The following DPY19L2 variants were observed in gnomAD, a reference collection of about 807,000 sequenced individuals.
DPY19L2 encodes probable C-mannosyltransferase DPY19L2.
In DPY19L2, 34 loss-of-function variants were observed where a neutral mutation model predicts 97.9. That is an observed-to-expected ratio of 0.35 (90% CI 0.26 to 0.46). DPY19L2 has a LOEUF of 0.46. DPY19L2 is among the 20% of genes least tolerant of loss of function. DPY19L2 has a pLI of 1.00. For missense variants in DPY19L2, 623 were observed against 911.4 expected (o/e 0.68, Z 4.07); for synonymous variants, 230 against 307.9 (o/e 0.75, Z 2.65).
intron 11 of DPY19L2, among the ~76,000 whole-genome samples, chr12:63,610,155 A>G (rs1348835699): frequency 6.6e-6 from 1 of 151,904 alleles, no homozygotes; most frequent in Non-Finnish European, 1.5e-5. Context: ...AAAAATATAC[A>G]TGTAATAGTT....
rs10878074 is a variant in DPY19L2, at chr12:63,668,272, G to A, written c.122C>T (p.Ala41Val). 0.24 allele frequency: 381,956 copies of A among 1,613,566 alleles called. 52,110 individuals are homozygous for A. The highest frequency in any genetic ancestry group is 0.58 in the East Asian group (26,166 of 44,762). The change falls in exon 1 of 22, where the codon GCC (alanine) becomes GTC (valine). Residue 41 changes from alanine to valine, a missense_variant. Physicochemically the swap from Ala to Val is moderately conservative, Grantham distance 64. This residue lies in a region of DPY19L2 where 144 missense variants were observed against 119.4 expected (regional missense o/e 1.21). Transcript: ENST00000324472. ...PEVEEEMEKS[A>V]LGGGKLPRGS... Reference sequence around the variant, plus strand: ...CCTTGGCAGTTTCCCGCCGCCTAGGGCCGACTTTTCCATCTCCTCCTCTAC... The same window carrying A: ...CCTTGGCAGTTTCCCGCCGCCTAGGACCGACTTTTCCATCTCCTCCTCTAC...
At chr12:63,586,390 G>A (rs1881803364) in intron 16 of DPY19L2, among the ~76,000 whole-genome samples, 1 of 152,162 alleles carries the variant, frequency 6.6e-6, no homozygotes, top group Admixed American at 6.5e-5. Flanking sequence ...TTTAATGTAA[G>A]TGTTTAGAGA....
chr12:63,585,527 G>A (rs1214944107), intron 16 of DPY19L2, among the ~76,000 whole-genome samples: 1 of 152,074 alleles, frequency 6.6e-6, no homozygotes, highest in Non-Finnish European at 1.5e-5. Flanking sequence ...CCTTCCCTGT[G>A]TATGCAGTTA....
At chr12:63,657,938 T>G (rs1304694329) in intron 4 of DPY19L2, among the ~76,000 whole-genome samples, 1 of 152,188 alleles carries the variant, frequency 6.6e-6, no homozygotes, top group East Asian at 1.9e-4. Flanking sequence ...TGCTCAGTTC[T>G]TTGTGCTTTC....
intron 19 of DPY19L2, among the ~76,000 whole-genome samples, chr12:63,571,563 A>G (rs1878846763): frequency 6.6e-6 from 1 of 152,180 alleles, no homozygotes; most frequent in Non-Finnish European, 1.5e-5. Flanking sequence ...ATTTTTTCCA[A>G]TGACTTTTGT....
At chr12:63,611,287 C>A (rs909043549) in intron 11 of DPY19L2, among the ~76,000 whole-genome samples, 1 of 151,850 alleles carries the variant, frequency 6.6e-6, no homozygotes, top group Non-Finnish European at 1.5e-5. Flanking sequence ...AAAAGATCAG[C>A]CTATGTTCAA....
At chr12:63,665,101 T>C (rs994922577) in intron 2 of DPY19L2, among the ~76,000 whole-genome samples, 24 of 152,358 alleles carry the variant, frequency 1.6e-4, no homozygotes, top group African/African-American at 5.5e-4. Context: ...TTTAACTCTG[T>C]ACACCCACTG....
At chr12:63,563,920 G>A (rs1877128019) in intron 21 of DPY19L2, among the ~76,000 whole-genome samples, 1 of 152,000 alleles carries the variant, frequency 6.6e-6, no homozygotes, top group Admixed American at 6.6e-5. Flanking sequence ...TAGATACAAG[G>A]TCATTCATAA....
Position 63,663,806 on chromosome 12 carries a change from G to A in DPY19L2, c.402C>T (p.Phe134=), listed in dbSNP as rs1164559849. The change falls in exon 3 of 22, where the codon TTC becomes TTT. Residue 134 remains phenylalanine (F), a synonymous_variant. Coordinates refer to ENST00000324472, the MANE Select transcript of DPY19L2 (RefSeq NM_173812.5). ...LVTLFENDRH[F]SHLSSLEREM... ...CCCGTTCCAAAGATGAGAGGTGAGA[G>A]AAATGACGATCATTTTCAAAAAGTG... The A allele has an allele frequency of 2.5e-6, 4 of 1,605,818 alleles. No homozygotes were observed. The South Asian group carries it at 4.5e-5, about 18-fold the overall frequency.
intron 12 of DPY19L2, 130 bp from the exon 13 acceptor site, chr12:63,600,516 G>C (rs575132691): frequency 1.6e-6 from 1 of 614,922 alleles, no homozygotes; most frequent in African/African-American, 1.9e-5. Context: ...TTTAAAAAAA[G>C]TTCCTTTAGA....
At position 63,665,819 on chromosome 12, in the gene DPY19L2, T is replaced by G; in HGVS notation, c.362+16A>C. ...TCAAATGTTTTTAAATATTTCAAACTGAAACTAAATCTTACCAATGTAAAA... is the reference window on the plus strand; with the variant it reads ...TCAAATGTTTTTAAATATTTCAAACGGAAACTAAATCTTACCAATGTAAAA... On this transcript the variant is annotated intron_variant, in intron 2 of 21. Coordinates refer to ENST00000324472, the MANE Select transcript of DPY19L2 (RefSeq NM_173812.5). The G allele has an allele frequency of 6.4e-7, 1 of 1,571,560 alleles. No homozygotes were observed. Among genetic ancestry groups the G allele is most frequent in the Non-Finnish European group, 8.7e-7 (1 of 1,154,846 alleles).
intron 16 of DPY19L2, among the ~76,000 whole-genome samples, chr12:63,587,860 C>T (rs954135366): frequency 1.3e-5 from 2 of 152,080 alleles, no homozygotes; most frequent in East Asian, 1.9e-4. Flanking sequence ...CATGAGCCAC[C>T]GAACCCGGCC....
chr12:63,572,531 G>C (rs1879063195), intron 19 of DPY19L2, among the ~76,000 whole-genome samples: 1 of 152,112 alleles, frequency 6.6e-6, no homozygotes, highest in African/African-American at 2.4e-5. Flanking sequence ...CACCAGCCTG[G>C]TTTGCTTTGC....
rs143620100 is a variant in DPY19L2, at chr12:63,640,700, T to C, written c.803+3703A>G. Among the ~76,000 whole-genome samples, 84 of 152,292 alleles carry C rather than the reference T, an allele frequency of 5.5e-4. No individual in the cohort carries two copies. In the East Asian group the frequency reaches 0.015, roughly 27 times the overall value. ...TTCTTAAAGACTAGATAGAGCCTAA[T>C]ATTGTATTTTATATTCCAGGACTAT... On this transcript the variant is annotated intron_variant, in intron 6 of 21. Transcript: ENST00000324472.
intron 6 of DPY19L2, among the ~76,000 whole-genome samples, chr12:63,643,699 T>C (rs1382314623): frequency 6.6e-6 from 1 of 152,144 alleles, no homozygotes; most frequent in Non-Finnish European, 1.5e-5. Flanking sequence ...CTTTCCCTTA[T>C]GGTCACAAGA....
intron 12 of DPY19L2, among the ~76,000 whole-genome samples, chr12:63,605,778 G>T (rs1183730444): frequency 6.6e-6 from 1 of 152,110 alleles, no homozygotes; most frequent in East Asian, 1.9e-4. Context: ...GCTAGGCCTG[G>T]AACTGATATT....
At chr12:63,668,759 T>G (rs539953402), upstream of DPY19L2, 1,081 of 253,750 alleles carry the variant, frequency 4.3e-3, 18 homozygotes, top group African/African-American at 0.024. Flanking sequence ...AGTCCTCACC[T>G]TGCGCGCAGC....
intron 4 of DPY19L2, among the ~76,000 whole-genome samples, chr12:63,657,342 G>T (rs1895099651): frequency 6.6e-6 from 1 of 152,046 alleles, no homozygotes; most frequent in African/African-American, 2.4e-5. Context: ...CCTTTGTGCT[G>T]CTCCCTAGAA....
intron 16 of DPY19L2, among the ~76,000 whole-genome samples, chr12:63,590,754 G>C (rs955158756): frequency 1.3e-5 from 2 of 151,996 alleles, no homozygotes; most frequent in Admixed American, 6.6e-5. Flanking sequence ...TAAGAGAGGG[G>C]AGTATTCCCT....
Sources: allele counts gnomAD v4.1 joint callset (sites outside exome capture counted in the v4.1 genomes callset), GRCh38; gene constraint gnomAD v4.1.1; regional missense constraint gnomAD v4.1.1; transcripts MANE v1.5; gene names NCBI Gene and HGNC (gene_info 2026-07-23, HGNC 2026-07-21).